WASF2: variants seen among roughly 807,000 people sequenced by gnomAD.
The protein encoded by WASF2 is WASP family member 2.
A neutral mutation model predicts 45.0 loss-of-function variants in WASF2; 14 were observed. The ratio of observed to expected loss-of-function variants is 0.31; its 90% CI spans 0.21 to 0.49. WASF2 has a LOEUF of 0.49. WASF2 is among the 20% of genes least tolerant of loss of function. The pLI is 0.99. For synonymous variants in WASF2, 200 were observed against 236.3 expected (o/e 0.85, Z 1.41); for missense variants, 439 against 636.1 (o/e 0.69, Z 3.33).
At chr1:27,468,471 T>C (rs1030603492) in intron 1 of WASF2, among the ~76,000 whole-genome samples, 6 of 150,290 alleles carry the variant, frequency 4.0e-5, no homozygotes, top group African/African-American at 1.2e-4. Context: ...TGAAATCCCG[T>C]CTCTACTAAA....
intron 2 of WASF2, among the ~76,000 whole-genome samples, chr1:27,424,820 T>G (rs980932077): frequency 1.3e-5 from 2 of 152,196 alleles, no homozygotes; most frequent in Non-Finnish European, 2.9e-5. Flanking sequence ...CAATAATTTT[T>G]AATTGAGACA....
At chr1:27,444,597 CTCTTT>C (rs2017288264) in intron 1 of WASF2, among the ~76,000 whole-genome samples, 1 of 152,114 alleles carries the variant, frequency 6.6e-6, no homozygotes, top group Non-Finnish European at 1.5e-5. Context: ...CTAAATGGTC[CTCTTT>C]TATTTGGTTT....
intron 1 of WASF2, among the ~76,000 whole-genome samples, chr1:27,430,392 G>T (rs1311455555): frequency 6.6e-6 from 1 of 151,690 alleles, no homozygotes; most frequent in Admixed American, 6.6e-5. Context: ...ACAGGGTCTC[G>T]CTCTGTCACC....
chr1:27,463,126 T>C (rs1217714170), intron 1 of WASF2, among the ~76,000 whole-genome samples: 1 of 152,222 alleles, frequency 6.6e-6, no homozygotes, highest in African/African-American at 2.4e-5. Flanking sequence ...GGCCGTTAGC[T>C]GCTTTTAGAG....
At position 27,484,507 on chromosome 1, in the gene WASF2, C is replaced by T. The variant is rs1211279376; in HGVS notation, c.-44+5479G>A. Among the ~76,000 whole-genome samples the T allele has an allele frequency of 1.1e-4, 17 of 152,116 alleles. 1 individual carries two copies. Among genetic ancestry groups the T allele is most frequent in the Admixed American group, 1.1e-3 (17 of 15,258 alleles). ...CAAATCCCATTGACAGTTTTTACCTCATTCTAAAGAATACTCTAGGCCGGG... is the reference window on the plus strand; with the variant it reads ...CAAATCCCATTGACAGTTTTTACCTTATTCTAAAGAATACTCTAGGCCGGG... On this transcript the variant is annotated intron_variant, in intron 1 of 8. Transcript: ENST00000618852.
Position 27,407,316 on chromosome 1 carries a change from A to C in WASF2, c.*873T>G, listed in dbSNP as rs1418270125. The C allele has an allele frequency of 3.3e-5, 5 of 152,778 alleles. No homozygotes were observed. The highest frequency in any genetic ancestry group is 5.9e-5 in the Non-Finnish European group (4 of 68,158). 9.5% of individuals were successfully genotyped at this position (152,778 alleles called of 1,614,324 possible). A position where few individuals can be genotyped will look rare whatever the true frequency, so the allele number is the denominator to read the frequency against. ...CATCTCTAGGCCTCAGCATCCTTAA[A>C]GGGTGAGACCCACGGGGCTCCACTG... On this transcript the variant is annotated 3_prime_UTR_variant, in exon 9 of 9. Coordinates refer to ENST00000618852, the MANE Select transcript of WASF2 (RefSeq NM_006990.5).
chr1:27,405,938 GGACTCAGTCCAT>G lies in WASF2; in HGVS notation c.*2239_*2250del, dbSNP rs1412030301. The G allele has an allele frequency of 6.6e-6, 1 of 152,380 alleles. No individual in the cohort carries two copies. 9.4% of individuals were successfully genotyped at this position (152,380 alleles called of 1,614,324 possible). On this transcript the variant is annotated 3_prime_UTR_variant, in exon 9 of 9. Coordinates refer to ENST00000618852, the MANE Select transcript of WASF2 (RefSeq NM_006990.5). ...TCCTGCCCCCAGCCCTTTCCACGATGGACTCAGTCCATTCCAGAAGCCAGGCCAACACCGCCC... is the reference window on the plus strand; with the variant it reads ...TCCTGCCCCCAGCCCTTTCCACGATGTCCAGAAGCCAGGCCAACACCGCCC...
chr1:27,431,735 C>T (rs866167809), intron 1 of WASF2, among the ~76,000 whole-genome samples: 1 of 152,298 alleles, frequency 6.6e-6, no homozygotes. Context: ...CAAATTCTAA[C>T]ACCTTGGTAC....
At chr1:27,454,187 ATTTTTTT>A (rs869057863) in intron 1 of WASF2, among the ~76,000 whole-genome samples, 7 of 12,772 alleles carry the variant, frequency 5.5e-4, no homozygotes, top group African/African-American at 1.4e-3. Flanking sequence ...ATATATATAT[ATTTTTTT>A]TTTTTTTTTT....
chr1:27,466,434 C>T (rs913271674), intron 1 of WASF2, among the ~76,000 whole-genome samples: 3 of 152,098 alleles, frequency 2.0e-5, no homozygotes, highest in Non-Finnish European at 4.4e-5. Context: ...AAAAAGCAAC[C>T]GGATTCAGTT....
chr1:27,415,057 T>C (rs2016809663), intron 5 of WASF2, 94 bp from the exon 6 acceptor site: 7 of 1,471,772 alleles, frequency 4.8e-6, no homozygotes, highest in Non-Finnish European at 6.5e-6. Flanking sequence ...ATCTAAGAGA[T>C]AATCTGCCTA....
At position 27,437,895 on chromosome 1, in the gene WASF2, A is replaced by T. The variant is rs574597229; in HGVS notation, c.-43-8962T>A. On this transcript the variant is annotated intron_variant, in intron 1 of 8. Transcript: ENST00000618852. ...TCTGAAAAAACAACACCCACACACA[A>T]AACAAAAAAAGTATCAAACCTCAAC... 2.6e-5 allele frequency among the ~76,000 whole-genome samples: 4 copies of T among 152,314 alleles called. No individual in the cohort carries two copies. The East Asian group carries it at 7.7e-4, about 29-fold the overall frequency.
intron 1 of WASF2, among the ~76,000 whole-genome samples, chr1:27,456,380 G>GA (rs1319078628): frequency 4.9e-5 from 7 of 142,386 alleles, no homozygotes; most frequent in African/African-American, 1.0e-4. Flanking sequence ...AGACTATGAA[G>GA]AAAAAAAATC....
chr1:27,482,797 T>G (rs2017869928), intron 1 of WASF2, among the ~76,000 whole-genome samples: 2 of 152,184 alleles, frequency 1.3e-5, no homozygotes, highest in African/African-American at 4.8e-5. Flanking sequence ...AAGGAGAACA[T>G]GCACCTGAGG....
chr1:27,405,667 C>T lies in WASF2; in HGVS notation c.*2522G>A, dbSNP rs1425344310. 1.6e-5 allele frequency: 2 copies of T among 128,972 alleles called. No homozygotes were observed. Among genetic ancestry groups the T allele is most frequent in the Non-Finnish European group, 3.1e-5 (2 of 64,516 alleles). The allele number at this position is 128,972 out of a possible 1,614,324, so 8.0% of individuals were successfully genotyped here. ...CATAAGTGGAGCCCAGAGGGCCTCT[C>T]GGCTCACTGGGTCCCCGGCCCCCCG... On this transcript the variant is annotated 3_prime_UTR_variant, in exon 9 of 9. Transcript: ENST00000618852.
At chr1:27,433,236 A>C (rs975278091) in intron 1 of WASF2, among the ~76,000 whole-genome samples, 2 of 152,164 alleles carry the variant, frequency 1.3e-5, no homozygotes, top group African/African-American at 4.8e-5. Flanking sequence ...AACATATACT[A>C]TCTCTTTCTT....
chr1:27,483,192 G>A (rs1382445530), intron 1 of WASF2, among the ~76,000 whole-genome samples: 3 of 151,924 alleles, frequency 2.0e-5, no homozygotes, highest in Non-Finnish European at 2.9e-5. Flanking sequence ...AAATTAGGCC[G>A]GGCGTGGTGG....
intron 1 of WASF2, among the ~76,000 whole-genome samples, chr1:27,488,523 C>A (rs540532926): frequency 6.6e-6 from 1 of 152,150 alleles, no homozygotes; most frequent in South Asian, 2.1e-4. Flanking sequence ...TCTATATACA[C>A]CAATAGCTGC....
At chr1:27,440,502 CAG>C (rs752002151) in intron 1 of WASF2, among the ~76,000 whole-genome samples, 2 of 148,550 alleles carry the variant, frequency 1.3e-5, no homozygotes, top group African/African-American at 2.5e-5. Flanking sequence ...AGCCTGGTGA[CAG>C]AGTGAGACCC....
Sources: allele counts gnomAD v4.1 joint callset (sites outside exome capture counted in the v4.1 genomes callset), GRCh38; gene constraint gnomAD v4.1.1; transcripts MANE v1.5; gene names NCBI Gene and HGNC (gene_info 2026-07-23, HGNC 2026-07-21).